The following DAAM2 variants were observed in gnomAD, a reference collection of about 807,000 sequenced individuals.
DAAM2 encodes disheveled-associated activator of morphogenesis 2.
DAAM2 carries 39 observed loss-of-function variants against 120.7 expected under a neutral mutation model. The ratio of observed to expected loss-of-function variants is 0.32; its 90% confidence interval spans 0.25 to 0.42. The LOEUF (loss-of-function observed/expected upper bound fraction) is 0.42, where lower values mean the gene tolerates loss of function less well. DAAM2 is among the 10% of genes least tolerant of loss of function. The probability of loss-of-function intolerance (pLI) is 1.00; values close to 1 mark genes in which losing one functional copy is unlikely to be tolerated. For missense variants in DAAM2, 1,283 were observed against 1,401.7 expected (o/e 0.92, Z 1.35); for synonymous variants, 488 against 524.9 (o/e 0.93, Z 0.96).
intron 3 of DAAM2, 43 bp downstream of exon 3, chr6:39,861,060 C>T: frequency 6.7e-7 from 1 of 1,497,000 alleles, no homozygotes. Context: ...GGGTTCATGG[C>T]ATGGGGTGGC....
chr6:39,816,584 G>A (rs1762317158), intron 1 of DAAM2, among the ~76,000 whole-genome samples: 1 of 152,154 alleles, frequency 6.6e-6, no homozygotes. Flanking sequence ...GAGAGCTGCT[G>A]GTCTCAGCTA....
chr6:39,846,835 G>A (rs1410080744), intron 1 of DAAM2, among the ~76,000 whole-genome samples: 2 of 152,012 alleles, frequency 1.3e-5, no homozygotes, highest in Non-Finnish European at 2.9e-5. Context: ...ATGGTACTTA[G>A]GGGCCCAACA....
At chr6:39,843,814 T>A (rs1195734101) in intron 1 of DAAM2, among the ~76,000 whole-genome samples, 1 of 152,086 alleles carries the variant, frequency 6.6e-6, no homozygotes, top group Non-Finnish European at 1.5e-5. Context: ...CTGAGTTCTT[T>A]CCTGTGAGCT....
chr6:39,858,692 C>T (rs946093022), intron 2 of DAAM2, among the ~76,000 whole-genome samples: 50 of 152,100 alleles, frequency 3.3e-4, no homozygotes, highest in African/African-American at 1.1e-3. Flanking sequence ...TACATAGTAA[C>T]TCTACATAAG....
chr6:39,794,646 C>A lies in DAAM2; in HGVS notation c.-57+2181C>A, dbSNP rs1761646543. Among the ~76,000 whole-genome samples, 4 of 152,110 alleles carry A rather than the reference C, an allele frequency of 2.6e-5. 1 individual carries two copies. In the South Asian group the frequency reaches 8.3e-4, roughly 32 times the overall value. ...TGCTTGCTGTGAGAACATGTTCTCT[C>A]CCCAGTCTTCTTTCCCGACTGTCTC... On this transcript the variant is annotated intron_variant, in intron 1 of 24. Transcript: ENST00000274867.
At chr6:39,814,184 CTTTCT>C (rs928316857) in intron 1 of DAAM2, among the ~76,000 whole-genome samples, 2 of 102,950 alleles carry the variant, frequency 1.9e-5, no homozygotes, top group Non-Finnish European at 3.9e-5. Flanking sequence ...CTTTTTCTTT[CTTTCT>C]TTTTTTTTTT....
At chr6:39,815,659 C>CACAT (rs761878689) in intron 1 of DAAM2, among the ~76,000 whole-genome samples, 1 of 36,294 alleles carries the variant, frequency 2.8e-5, no homozygotes, top group Non-Finnish European at 6.0e-5. Context: ...TTTACACACA[C>CACAT]ACACACACAC....
intron 1 of DAAM2, among the ~76,000 whole-genome samples, chr6:39,811,174 AGTGTGTGTGTGTGTGTGTGTGTGT>A (rs59432565): frequency 5.5e-5 from 8 of 146,560 alleles, no homozygotes; most frequent in African/African-American, 1.8e-4. Context: ...AACTGAAGGG[AGTGTGTGTGTGTGTGTGTGTGTGT>A]GTGTGTGTGT....
intron 19 of DAAM2, 77 bp from the exon 20 acceptor site, chr6:39,896,735 G>GC: frequency 1.5e-6 from 2 of 1,312,848 alleles, no homozygotes; most frequent in Non-Finnish European, 2.0e-6. Context: ...CTTTGCGGTG[G>GC]CATCTTCCTG....
chr6:39,844,014 GT>G (rs1763464466), intron 1 of DAAM2, among the ~76,000 whole-genome samples: 1 of 152,100 alleles, frequency 6.6e-6, no homozygotes, highest in South Asian at 2.1e-4. Flanking sequence ...ACTTGGGCAA[GT>G]TACTGATTTT....
chr6:39,898,021 A>G (rs1414862847), intron 21 of DAAM2, among the ~76,000 whole-genome samples: 2 of 152,192 alleles, frequency 1.3e-5, no homozygotes, highest in Non-Finnish European at 2.9e-5. Context: ...AAACAAAGAC[A>G]ATTTGCTCTT....
At chr6:39,832,466 T>A (rs1012351243) in intron 1 of DAAM2, among the ~76,000 whole-genome samples, 3 of 152,202 alleles carry the variant, frequency 2.0e-5, no homozygotes, top group African/African-American at 4.8e-5. Context: ...TCATATTTAT[T>A]GAAGACTTAC....
chr6:39,894,071 G>A (rs1181162823), intron 19 of DAAM2, among the ~76,000 whole-genome samples: 1 of 151,976 alleles, frequency 6.6e-6, no homozygotes, highest in African/African-American at 2.4e-5. Context: ...CACATTTACC[G>A]ATTCTTATTA....
At chr6:39,793,499 C>T (rs955861191) in intron 1 of DAAM2, among the ~76,000 whole-genome samples, 1 of 151,996 alleles carries the variant, frequency 6.6e-6, no homozygotes, top group African/African-American at 2.4e-5. Context: ...GAACGTTTCT[C>T]GGAGGGTTAG....
rs184425820 is a variant in DAAM2, at chr6:39,858,112, A to T, written c.168+1642A>T. Among the ~76,000 whole-genome samples, 104 of 152,194 alleles carry T rather than the reference A, an allele frequency of 6.8e-4. 1 individual carries two copies. The highest frequency in any genetic ancestry group is 1.2e-3 in the Non-Finnish European group (83 of 68,024). ...GAGGGTCTCCTGCAGAAGAAACGGC[A>T]TATGTGAGTCTCAAGTCAGAAAGGA... On this transcript the variant is annotated intron_variant, in intron 2 of 24. Transcript: ENST00000274867.
At chr6:39,808,205 C>T (rs975583374) in intron 1 of DAAM2, among the ~76,000 whole-genome samples, 1 of 151,900 alleles carries the variant, frequency 6.6e-6, no homozygotes. Context: ...ATTACTTTTG[C>T]ACCAACCTAA....
intron 1 of DAAM2, among the ~76,000 whole-genome samples, chr6:39,798,926 T>G (rs942257139): frequency 2.6e-5 from 4 of 152,218 alleles, no homozygotes; most frequent in African/African-American, 9.6e-5. Flanking sequence ...TCATGCTTTC[T>G]ACATGTTTAC....
At chr6:39,806,527 G>A (rs2114032488) in intron 1 of DAAM2, among the ~76,000 whole-genome samples, 1 of 152,160 alleles carries the variant, frequency 6.6e-6, no homozygotes, top group East Asian at 1.9e-4. Flanking sequence ...AGGAATGGCT[G>A]GAATTTCTGC....
At chr6:39,837,663 C>CAAAAAAAAAAAAAAAAAAAAAAAAAA (rs758751293) in intron 1 of DAAM2, among the ~76,000 whole-genome samples, 2 of 41,202 alleles carry the variant, frequency 4.9e-5, no homozygotes, top group African/African-American at 2.2e-4. Flanking sequence ...AACTCCATCT[C>CAAAAAAAAAAAAAAAAAAAAAAAAAA]AAAAAAAAAA....
Sources: gnomAD v4.1 joint callset for allele counts (sites outside exome capture counted in the v4.1 genomes callset) on GRCh38, gnomAD v4.1.1 for gene constraint, MANE v1.5 for transcripts, NCBI Gene and HGNC (gene_info 2026-07-23, HGNC 2026-07-21) for gene names.